The following HHAT variants were observed in gnomAD, a reference collection of about 807,000 sequenced individuals.
HHAT encodes protein-cysteine N-palmitoyltransferase HHAT.
Under a neutral mutation model 70.8 loss-of-function variants are expected in HHAT, and 47 were observed. The observed-to-expected ratio is 0.66, with a 90% confidence interval of 0.53 to 0.85. HHAT has a LOEUF of 0.85. HHAT is among the 40% of genes least tolerant of loss of function. The pLI is 0.00. For synonymous variants in HHAT, 228 were observed against 247.6 expected (o/e 0.92, Z 0.74); for missense variants, 609 against 604.8 (o/e 1.01, Z -0.07).
intron 9 of HHAT, among the ~76,000 whole-genome samples, chr1:210,516,197 A>G (rs2095054276): frequency 6.6e-6 from 1 of 152,196 alleles, no homozygotes; most frequent in Admixed American, 6.5e-5. Context: ...AGTGACCCTG[A>G]GGCTAGGTTG....
intron 7 of HHAT, among the ~76,000 whole-genome samples, chr1:210,462,043 G>A (rs2093989625): frequency 3.3e-5 from 5 of 152,148 alleles, no homozygotes. Context: ...TGAATATTTT[G>A]TGCAAATAAT....
At chr1:210,363,895 A>T (rs1024012550) in intron 3 of HHAT, among the ~76,000 whole-genome samples, 1 of 152,172 alleles carries the variant, frequency 6.6e-6, no homozygotes, top group African/African-American at 2.4e-5. Context: ...TCTGCTTGCA[A>T]ATGAACTTTT....
intron 9 of HHAT, among the ~76,000 whole-genome samples, chr1:210,535,777 G>C (rs1215482986): frequency 6.6e-6 from 1 of 152,168 alleles, no homozygotes; most frequent in African/African-American, 2.4e-5. Context: ...AAGACTCTGT[G>C]AATAGCACAT....
intron 2 of HHAT, among the ~76,000 whole-genome samples, chr1:210,354,113 T>C (rs1054316595): frequency 3.3e-5 from 5 of 152,070 alleles, no homozygotes; most frequent in African/African-American, 1.2e-4. Flanking sequence ...TCTCAGCAAG[T>C]TGAGTGCTCT....
chr1:210,387,467 G>A lies in HHAT; in HGVS notation c.160-1G>A, dbSNP rs2091167464. Reference sequence around the variant, plus strand: ...CTGATAAACTATTTTGTCCTATTTAGGATGCGACCGACTTTGAGTGGAGCT... The same window carrying A: ...CTGATAAACTATTTTGTCCTATTTAAGATGCGACCGACTTTGAGTGGAGCT... On this transcript the variant is annotated splice_acceptor_variant, in intron 3 of 11. Coordinates refer to ENST00000261458, the MANE Select transcript of HHAT (RefSeq NM_018194.6). LOFTEE classifies it high-confidence loss of function. 3 of 1,613,518 alleles carry A rather than the reference G, an allele frequency of 1.9e-6. No individual in the cohort carries two copies. Among genetic ancestry groups the A allele is most frequent in the Non-Finnish European group, 2.5e-6 (3 of 1,179,504 alleles).
At chr1:210,374,329 G>T (rs2089994594) in intron 3 of HHAT, 1 of 152,206 alleles carries the variant, frequency 6.6e-6, no homozygotes, top group Admixed American at 6.5e-5. Flanking sequence ...CGCCGATGGT[G>T]CCTACAGTTC....
chr1:210,648,320 A>G (rs569657292), intron 11 of HHAT, among the ~76,000 whole-genome samples: 42 of 152,328 alleles, frequency 2.8e-4, no homozygotes, highest in African/African-American at 9.6e-4. Flanking sequence ...CACAGATAAA[A>G]GTAAGGAAAT....
At chr1:210,559,377 A>G (rs920405580) in intron 9 of HHAT, among the ~76,000 whole-genome samples, 10 of 152,204 alleles carry the variant, frequency 6.6e-5, no homozygotes, top group African/African-American at 2.4e-4. Flanking sequence ...TCTGTTGAAT[A>G]AATGGAGTGG....
At chr1:210,377,485 A>G (rs970367865) in intron 3 of HHAT, among the ~76,000 whole-genome samples, 3 of 152,212 alleles carry the variant, frequency 2.0e-5, no homozygotes, top group Non-Finnish European at 2.9e-5. Flanking sequence ...AAAGGTGGGA[A>G]TATGGCATAG....
chr1:210,360,743 A>G (rs2088198480), intron 2 of HHAT, among the ~76,000 whole-genome samples: 1 of 152,176 alleles, frequency 6.6e-6, no homozygotes, highest in South Asian at 2.1e-4. Flanking sequence ...TAGGATTATA[A>G]AGAATTAGAA....
intron 11 of HHAT, among the ~76,000 whole-genome samples, chr1:210,654,268 A>G (rs868699912): frequency 1.1e-5 from 1 of 90,932 alleles, no homozygotes; most frequent in East Asian, 3.3e-4. Flanking sequence ...CTGGCGACCA[A>G]TAGAATCAAG....
chr1:210,593,156 A>G (rs542313643), intron 10 of HHAT, among the ~76,000 whole-genome samples: 17 of 152,000 alleles, frequency 1.1e-4, no homozygotes, highest in Admixed American at 5.9e-4. Flanking sequence ...TTTTCATTTC[A>G]TTGATTTTTG....
intron 2 of HHAT, among the ~76,000 whole-genome samples, chr1:210,356,379 C>T (rs1424814208): frequency 2.0e-5 from 3 of 151,738 alleles, no homozygotes; most frequent in Non-Finnish European, 2.9e-5. Flanking sequence ...TTTCATGTCA[C>T]AGGCTTTTTT....
At chr1:210,467,954 A>G (rs1193403780) in intron 8 of HHAT, among the ~76,000 whole-genome samples, 5 of 152,170 alleles carry the variant, frequency 3.3e-5, no homozygotes. Context: ...CAGAGAGAAA[A>G]TCTTCCTTGC....
At chr1:210,499,025 C>G (rs951164321) in intron 8 of HHAT, among the ~76,000 whole-genome samples, 5 of 152,204 alleles carry the variant, frequency 3.3e-5, no homozygotes, top group African/African-American at 1.2e-4. Flanking sequence ...GCCTCAGCCT[C>G]TCAAAGTGCT....
chr1:210,459,343 G>T (rs562876937), intron 7 of HHAT, among the ~76,000 whole-genome samples: 1 of 152,130 alleles, frequency 6.6e-6, no homozygotes, highest in Non-Finnish European at 1.5e-5. Context: ...GCGGTATAAG[G>T]TGAATTATTC....
At chr1:210,593,231 G>A (rs1662161880) in intron 10 of HHAT, among the ~76,000 whole-genome samples, 1 of 151,542 alleles carries the variant, frequency 6.6e-6, no homozygotes, top group African/African-American at 2.4e-5. Context: ...TCTAATTTTG[G>A]GTTTGTTTTG....
At chr1:210,664,894 G>A (rs962219603) in intron 11 of HHAT, among the ~76,000 whole-genome samples, 92 of 152,174 alleles carry the variant, frequency 6.0e-4, no homozygotes, top group Admixed American at 3.3e-4. Context: ...CAGCCTTGAG[G>A]GCACATGCTG....
At chr1:210,460,039 C>A (rs1325994591) in intron 7 of HHAT, among the ~76,000 whole-genome samples, 1 of 152,222 alleles carries the variant, frequency 6.6e-6, no homozygotes, top group African/African-American at 2.4e-5. Flanking sequence ...ACCAGAACAT[C>A]TTCATGTGGC....
Sources: gnomAD v4.1 joint callset for allele counts (sites outside exome capture counted in the v4.1 genomes callset) on GRCh38, gnomAD v4.1.1 for gene constraint, MANE v1.5 for transcripts, NCBI Gene and HGNC (gene_info 2026-07-23, HGNC 2026-07-21) for gene names.